Variants in GINS3 observed in about 807,000 individuals in gnomAD.
The protein encoded by GINS3 is DNA replication complex GINS protein PSF3.
A neutral mutation model predicts 20.0 loss-of-function variants in GINS3; 18 were observed. That is an observed-to-expected ratio of 0.90 (90% confidence interval 0.62 to 1.33). The LOEUF (loss-of-function observed/expected upper bound fraction) is 1.33. GINS3 is among the 40% of genes most tolerant of loss of function. The probability of loss-of-function intolerance (pLI) is 0.00; values close to 1 mark genes in which losing one functional copy is unlikely to be tolerated. For synonymous variants in GINS3, 109 were observed against 107.0 expected (o/e 1.02, Z -0.12); for missense variants, 254 against 273.6 (o/e 0.93, Z 0.51).
intron 1 of GINS3, chr16:58,395,021 T>A (rs1257357018): frequency 2.0e-6 from 1 of 502,690 alleles, no homozygotes; most frequent in African/African-American, 2.0e-5. Context: ...TGATTTCTTC[T>A]TGTGTTAGTT....
chr16:58,403,415 T>C, intron 2 of GINS3, 84 bp downstream of exon 2: 7 of 1,059,014 alleles, frequency 6.6e-6, no homozygotes, highest in Non-Finnish European at 9.6e-6. Flanking sequence ...GGACAGTGTA[T>C]GACTTGTAAA....
intron 1 of GINS3, among the ~76,000 whole-genome samples, chr16:58,400,084 G>A (rs1318083255): frequency 6.6e-6 from 1 of 152,154 alleles, no homozygotes; most frequent in African/African-American, 2.4e-5. Flanking sequence ...ATCTTCTGGT[G>A]ATAAGTCTCA....
At chr16:58,400,193 A>G (rs1965936736) in intron 1 of GINS3, among the ~76,000 whole-genome samples, 1 of 152,238 alleles carries the variant, frequency 6.6e-6, no homozygotes, top group Non-Finnish European at 1.5e-5. Context: ...CATGGTTAAG[A>G]TTGATTACAT....
rs1965927939 is a variant in GINS3, at chr16:58,399,527, G to A, written c.187-3571G>A. The stretch of plus-strand genomic sequence containing the variant: ...TTCTGTGTCTTCATATTTAAGGTAT[G>A]TCTCTTTTATGCAGCATATAGTTGG... On this transcript the variant is annotated intron_variant, in intron 1 of 2. Coordinates refer to ENST00000318129, the MANE Select transcript of GINS3 (RefSeq NM_022770.4). 2.0e-5 allele frequency among the ~76,000 whole-genome samples: 3 copies of A among 151,932 alleles called. No homozygotes were observed. In the South Asian group the frequency reaches 6.2e-4, roughly 32 times the overall value.
intron 1 of GINS3, among the ~76,000 whole-genome samples, chr16:58,402,517 T>A (rs1965970870): frequency 6.6e-6 from 1 of 152,220 alleles, no homozygotes; most frequent in Non-Finnish European, 1.5e-5. Flanking sequence ...TGCCTTTGAT[T>A]TTTTTGGAGA....
At chr16:58,397,011 G>C (rs1305928723) in intron 1 of GINS3, among the ~76,000 whole-genome samples, 1 of 145,654 alleles carries the variant, frequency 6.9e-6, no homozygotes, top group African/African-American at 2.6e-5. Context: ...CTGGCTGGGC[G>C]GGGGGCTGAC....
intron 1 of GINS3, 96 bp from the exon 2 acceptor site, chr16:58,403,002 G>T: frequency 1.1e-6 from 1 of 946,446 alleles, no homozygotes; most frequent in South Asian, 1.6e-5. Flanking sequence ...AAAGAGAAAA[G>T]GCAGTATTGC....
chr16:58,395,475 C>T (rs947018122), intron 1 of GINS3, among the ~76,000 whole-genome samples: 8 of 151,554 alleles, frequency 5.3e-5, no homozygotes, highest in African/African-American at 1.7e-4. Context: ...GAGGACCCTG[C>T]GGCCTTCCGC....
intron 1 of GINS3, among the ~76,000 whole-genome samples, chr16:58,400,544 T>A (rs12934374): frequency 1.6e-3 from 241 of 152,294 alleles, no homozygotes; most frequent in South Asian, 0.011. Flanking sequence ...CTAGGACGGG[T>A]GAGAATCCTC....
At position 58,395,172 on chromosome 16, in the gene GINS3, C is replaced by A. The variant is rs182212504; in HGVS notation, c.186+2385C>A. ...CTCACTGCAGCCTTGACCTCCCAGG[C>A]TCCAGAGATCCTCCCACCTCAGCCA... On this transcript the variant is annotated intron_variant, in intron 1 of 2. Transcript: ENST00000318129. 4.6e-4 allele frequency: 198 copies of A among 427,020 alleles called. No individual in the cohort carries two copies. Among genetic ancestry groups the A allele is most frequent in the African/African-American group, 3.6e-3 (173 of 48,028 alleles). The allele number at this position is 427,020 out of a possible 1,614,324, so 26.5% of individuals were successfully genotyped here. A position where few individuals can be genotyped will look rare whatever the true frequency, so the allele number is the denominator to read the frequency against.
chr16:58,396,855 C>A (rs1325883075), intron 1 of GINS3, among the ~76,000 whole-genome samples: 4 of 132,552 alleles, frequency 3.0e-5, no homozygotes, highest in Admixed American at 7.2e-5. Context: ...AGGCGCCCCT[C>A]ACCTCCCGGA....
At chr16:58,395,714 G>C (rs1356648014) in intron 1 of GINS3, among the ~76,000 whole-genome samples, 3 of 152,166 alleles carry the variant, frequency 2.0e-5, no homozygotes, top group Non-Finnish European at 4.4e-5. Context: ...AAAATGAAAA[G>C]TCTCCCACGT....
intron 1 of GINS3, chr16:58,395,323 A>G (rs1008417564): frequency 1.8e-4 from 27 of 149,450 alleles, no homozygotes; most frequent in South Asian, 7.3e-4. Flanking sequence ...TAATATTTGT[A>G]TATATATATA....
At chr16:58,395,543 T>G (rs1965841880) in intron 1 of GINS3, among the ~76,000 whole-genome samples, 2 of 151,964 alleles carry the variant, frequency 1.3e-5, no homozygotes, top group South Asian at 4.2e-4. Context: ...TTAACGAGCA[T>G]GCTGCCTTCA....
intron 1 of GINS3, among the ~76,000 whole-genome samples, chr16:58,394,176 C>A (rs1965819453): frequency 6.6e-6 from 1 of 152,102 alleles, no homozygotes; most frequent in South Asian, 2.1e-4. Flanking sequence ...ACCTAGGATA[C>A]CACACTGCAT....
At chr16:58,396,507 C>CG (rs1965863177) in intron 1 of GINS3, among the ~76,000 whole-genome samples, 3 of 112 alleles carry the variant, frequency 0.027, no homozygotes, top group Admixed American at 0.083. Flanking sequence ...GGAGGCTGGC[C>CG]GGGCGGGGGC....
intron 2 of GINS3, chr16:58,404,250 A>G: frequency 2.0e-6 from 1 of 506,278 alleles, no homozygotes. Flanking sequence ...TGCTAGGTGC[A>G]TTACATGTAT....
chr16:58,397,252 A>G (rs544757304), intron 1 of GINS3, among the ~76,000 whole-genome samples: 3 of 148,714 alleles, frequency 2.0e-5, no homozygotes, highest in Non-Finnish European at 3.0e-5. Context: ...CAGACGGGGC[A>G]GCAGGGCAGA....
rs1175164523 is a variant in GINS3, at chr16:58,396,570, C to T, written c.186+3783C>T. ...GGCGGCTGGTCGGGCGGGGGCTGATCCCCCCCACCTCCCTCCCGGACGGGG... is the reference window on the plus strand; with the variant it reads ...GGCGGCTGGTCGGGCGGGGGCTGATTCCCCCCACCTCCCTCCCGGACGGGG... On this transcript the variant is annotated intron_variant, in intron 1 of 2. Transcript: ENST00000318129. Among the ~76,000 whole-genome samples the T allele has an allele frequency of 1.4e-4, 7 of 48,356 alleles. 1 individual carries two copies. Among genetic ancestry groups the T allele is most frequent in the African/African-American group, 6.9e-4 (7 of 10,198 alleles). 31.7% of individuals were successfully genotyped at this position (48,356 alleles called of 152,430 possible).
Sources: allele counts gnomAD v4.1 joint callset (sites outside exome capture counted in the v4.1 genomes callset), GRCh38; gene constraint gnomAD v4.1.1; transcripts MANE v1.5; gene names NCBI Gene and HGNC (gene_info 2026-07-23, HGNC 2026-07-21).